The following NFX1 variants were observed in gnomAD, a reference collection of about 807,000 sequenced individuals.
NFX1 encodes transcriptional repressor NF-X1.
A neutral mutation model predicts 137.2 loss-of-function variants in NFX1; 69 were observed. The observed-to-expected ratio is 0.50, with a 90% CI of 0.41 to 0.61. NFX1 has a LOEUF of 0.61. NFX1 is among the 20% of genes least tolerant of loss of function. The pLI is 0.00. For synonymous variants in NFX1, 495 were observed against 474.1 expected (o/e 1.04, Z -0.57); for missense variants, 1,167 against 1,391.0 (o/e 0.84, Z 2.56).
rs942742188 is a variant in NFX1, at chr9:33,296,921, G to A, written c.1033+1494G>A. On this transcript the variant is annotated intron_variant, in intron 2 of 23. Coordinates refer to ENST00000379540, the MANE Select transcript of NFX1 (RefSeq NM_002504.6). ...CTAGTCTGTAAGCTCCTTAAAAACA[G>A]ACACTGTATATTTCTTTTCTTTTTT... 1.2e-4 allele frequency among the ~76,000 whole-genome samples: 18 copies of A among 152,194 alleles called. 1 individual carries two copies. The highest frequency in any genetic ancestry group is 4.3e-4 in the African/African-American group (18 of 41,454).
intron 17 of NFX1, among the ~76,000 whole-genome samples, chr9:33,353,089 A>G (rs1823696535): frequency 6.6e-5 from 10 of 152,244 alleles, no homozygotes; most frequent in Admixed American, 6.5e-4. Context: ...TCTCTAGTTC[A>G]AAGAAACAGT....
chr9:33,367,667 G>C (rs367606850), intron 23 of NFX1, 48 bp downstream of exon 23: 144 of 1,574,570 alleles, frequency 9.1e-5, no homozygotes, highest in Admixed American at 5.4e-4. Flanking sequence ...GTCCAGAAAA[G>C]CTAGCAGGGG....
intron 23 of NFX1, among the ~76,000 whole-genome samples, chr9:33,368,680 C>T (rs547763886): frequency 1.3e-5 from 2 of 152,324 alleles, no homozygotes; most frequent in South Asian, 2.1e-4. Context: ...GGTGCCTACT[C>T]CTGTTCTGGC....
intron 1 of NFX1, 99 bp from the exon 2 acceptor site, chr9:33,294,321 A>AG (rs1389955109): frequency 8.8e-7 from 1 of 1,133,916 alleles, no homozygotes; most frequent in East Asian, 2.4e-5. Context: ...TTTTATACAA[A>AG]GTTCTAAGGA....
At chr9:33,342,285 C>T (rs1364101078) in intron 12 of NFX1, among the ~76,000 whole-genome samples, 1 of 151,894 alleles carries the variant, frequency 6.6e-6, no homozygotes, top group Non-Finnish European at 1.5e-5. Context: ...CACGGTGAAA[C>T]CTCGTCTCTA....
chr9:33,305,116 CTG>C (rs1821706449), intron 4 of NFX1, among the ~76,000 whole-genome samples: 2 of 152,316 alleles, frequency 1.3e-5, no homozygotes, highest in Non-Finnish European at 2.9e-5. Flanking sequence ...GTTCAAGGCA[CTG>C]TGAAGAAACA....
intron 7 of NFX1, among the ~76,000 whole-genome samples, chr9:33,318,246 A>G (rs1277840653): frequency 6.6e-6 from 1 of 152,122 alleles, no homozygotes; most frequent in Non-Finnish European, 1.5e-5. Flanking sequence ...ACCTGACATA[A>G]AGTATGAAAC....
At chr9:33,353,103 GCTTTATATAC>G (rs532922880) in intron 17 of NFX1, among the ~76,000 whole-genome samples, 10 of 152,322 alleles carry the variant, frequency 6.6e-5, no homozygotes, top group Admixed American at 5.2e-4. Context: ...AAACAGTGCT[GCTTTATATAC>G]CTTTTCTTCC....
intron 9 of NFX1, among the ~76,000 whole-genome samples, chr9:33,320,146 G>A (rs546266885): frequency 1.1e-4 from 16 of 148,684 alleles, no homozygotes; most frequent in African/African-American, 4.0e-4. Context: ...TTGTATTTTT[G>A]TAGAGACGGG....
chr9:33,356,453 A>G (rs1587874501), intron 19 of NFX1, among the ~76,000 whole-genome samples: 1 of 152,108 alleles, frequency 6.6e-6, no homozygotes, highest in Non-Finnish European at 1.5e-5. Flanking sequence ...CCTTTTTTTA[A>G]TCCCAGAAGC....
At position 33,310,302 on chromosome 9, in the gene NFX1, A is replaced by G. The variant is rs1821917424; in HGVS notation, c.1377-804A>G. 2.0e-5 allele frequency among the ~76,000 whole-genome samples: 3 copies of G among 152,188 alleles called. No individual in the cohort carries two copies. The South Asian group carries it at 6.2e-4, about 32-fold the overall frequency. ...AAAGGGTTGTAATTTGCCACCTAGA[A>G]TATACCCCTCCTACTCCAAAAACAG... On this transcript the variant is annotated intron_variant, in intron 5 of 23. Transcript: ENST00000379540.
intron 14 of NFX1, among the ~76,000 whole-genome samples, chr9:33,344,891 G>A (rs1280071623): frequency 6.6e-6 from 1 of 152,040 alleles, no homozygotes. Flanking sequence ...GCCAGGCACA[G>A]TGGCTCATGC....
At chr9:33,344,305 G>A (rs972462216) in intron 14 of NFX1, 117 bp downstream of exon 14, 18 of 1,410,650 alleles carry the variant, frequency 1.3e-5, no homozygotes, top group South Asian at 3.7e-5. Context: ...CCTTGCTCCC[G>A]GCTCAGGGGC....
At chr9:33,324,859 G>A (rs1348522337) in intron 9 of NFX1, among the ~76,000 whole-genome samples, 1 of 151,766 alleles carries the variant, frequency 6.6e-6, no homozygotes. Context: ...AACCTGGGAG[G>A]CGGAGGTTGC....
rs369013664 is a variant in NFX1 at position 33,301,332 on chromosome 9, C to T, written c.1103C>T (p.Thr368Met). Residue 368 changes from threonine (T) to methionine (M), a missense_variant, in exon 3 of 24, where the codon ACG (threonine) becomes ATG (methionine). By Grantham distance (81) the Thr-to-Met change is moderately conservative. This residue lies in a region of NFX1 where 488 missense variants were observed against 691.5 expected (regional missense o/e 0.71). Transcript: ENST00000379540. ...CMVCCELVRVTAPVWSCQSCY... is the reference protein window; with the variant it reads ...CMVCCELVRVMAPVWSCQSCY... The stretch of plus-strand genomic sequence containing the variant: ...GTGTGCTGTGAATTGGTTCGTGTCA[C>T]GGCCCCAGTGTGGAGTTGTCAGAGC... 1.4e-5 allele frequency: 23 copies of T among 1,614,140 alleles called. No homozygotes were observed. The highest frequency in any genetic ancestry group is 6.7e-5 in the African/African-American group (5 of 75,032).
chr9:33,360,040 T>C (rs1393323970), intron 19 of NFX1, among the ~76,000 whole-genome samples: 1 of 152,196 alleles, frequency 6.6e-6, no homozygotes, highest in African/African-American at 2.4e-5. Flanking sequence ...ATAATAACTT[T>C]CTAGTGAGTG....
chr9:33,308,091 C>G (rs1320070465), intron 5 of NFX1, among the ~76,000 whole-genome samples: 1 of 152,084 alleles, frequency 6.6e-6, no homozygotes, highest in Non-Finnish European at 1.5e-5. Context: ...TGGTGTGAGC[C>G]ACCACACCCA....
chr9:33,313,473 A>G (rs1267912484), intron 6 of NFX1, among the ~76,000 whole-genome samples, 181 bp from the exon 7 acceptor site: 1 of 151,948 alleles, frequency 6.6e-6, no homozygotes, highest in African/African-American at 2.4e-5. Context: ...AAGAGTGGAG[A>G]AAGGGAGAGT....
intron 12 of NFX1, among the ~76,000 whole-genome samples, chr9:33,342,178 A>T (rs771066170): frequency 4.3e-5 from 5 of 116,912 alleles, no homozygotes; most frequent in East Asian, 2.5e-4. Context: ...ATATTTTTTT[A>T]AAATTTCAAA....
Sources: allele counts gnomAD v4.1 joint callset (sites outside exome capture counted in the v4.1 genomes callset), GRCh38; gene constraint gnomAD v4.1.1; regional missense constraint gnomAD v4.1.1; transcripts MANE v1.5; gene names NCBI Gene and HGNC (gene_info 2026-07-23, HGNC 2026-07-21).